The following TAS2R1 variants were observed in gnomAD, a reference collection of about 807,000 sequenced individuals.
The protein encoded by TAS2R1 is taste 2 receptor member 1.
For missense variants in TAS2R1, 370 were observed against 353.4 expected, an observed-to-expected ratio of 1.05 and a Z score of -0.38; for synonymous variants, 141 against 134.2, an observed-to-expected ratio of 1.05 and a Z score of -0.35.
chr5:9,887,986 C>T, the TAS2R1 span, among the ~76,000 whole-genome samples: 3 of 152,140 alleles, frequency 2.0e-5, no homozygotes, highest in East Asian at 3.9e-4. Context: ...CAGTCCTATA[C>T]AGACCTAGGA....
chr5:9,740,106 A>C, the TAS2R1 span, among the ~76,000 whole-genome samples: 2 of 152,222 alleles, frequency 1.3e-5, no homozygotes. Context: ...GACTGTAACC[A>C]AAACGACCTC....
chr5:9,737,215 C>T, the TAS2R1 span, among the ~76,000 whole-genome samples: 3 of 152,178 alleles, frequency 2.0e-5, no homozygotes, highest in Non-Finnish European at 2.9e-5. Flanking sequence ...CACAATCCAG[C>T]CTCCTACTAG....
At chr5:9,815,682 CAA>C in the TAS2R1 span, among the ~76,000 whole-genome samples, 1 of 139,694 alleles carries the variant, frequency 7.2e-6, no homozygotes, top group Non-Finnish European at 1.6e-5. Context: ...GATCCCTGAC[CAA>C]AAAAAAAAAG....
intron 1 of TAS2R1, among the ~76,000 whole-genome samples, chr5:9,710,055 G>A (rs1741699649): frequency 6.6e-6 from 1 of 152,236 alleles, no homozygotes; most frequent in Non-Finnish European, 1.5e-5. Flanking sequence ...TCAAAATTGG[G>A]AGATGTTAAA....
the TAS2R1 span, among the ~76,000 whole-genome samples, chr5:9,744,491 G>C: frequency 6.6e-6 from 1 of 151,920 alleles, no homozygotes; most frequent in African/African-American, 2.4e-5. Flanking sequence ...CAAGTGGTCC[G>C]TGTGGTCCTT....
chr5:9,633,692 A>ATAAT (rs1451245430), upstream of TAS2R1, among the ~76,000 whole-genome samples: 1 of 151,960 alleles, frequency 6.6e-6, no homozygotes, highest in African/African-American at 2.4e-5. Flanking sequence ...TGTTTCCCTG[A>ATAAT]TAATTAGTGA....
the TAS2R1 span, among the ~76,000 whole-genome samples, chr5:9,837,807 G>A: frequency 6.6e-6 from 1 of 152,210 alleles, no homozygotes; most frequent in African/African-American, 2.4e-5. Flanking sequence ...GCTGATTATT[G>A]CAGCATCTGG....
chr5:9,711,461 G>A (rs781239564), intron 1 of TAS2R1, among the ~76,000 whole-genome samples: 47 of 152,182 alleles, frequency 3.1e-4, no homozygotes, highest in Middle Eastern at 3.2e-3. Context: ...ATCTAAAGTA[G>A]TCAAACTCAC....
chr5:9,779,512 C>A, the TAS2R1 span, among the ~76,000 whole-genome samples: 1 of 152,210 alleles, frequency 6.6e-6, no homozygotes, highest in East Asian at 1.9e-4. Context: ...ATTAACTGGC[C>A]TATTTTCAAT....
chr5:9,738,045 G>A, the TAS2R1 span, among the ~76,000 whole-genome samples: 247 of 152,276 alleles, frequency 1.6e-3, 1 homozygote, highest in African/African-American at 5.1e-3. Context: ...GAAGAACTAC[G>A]TTCTCTGGCC....
the TAS2R1 span, among the ~76,000 whole-genome samples, chr5:9,823,350 C>T: frequency 6.6e-6 from 1 of 151,966 alleles, no homozygotes. Context: ...TTTAATCCTA[C>T]AGATATGCTG....
chr5:9,826,212 A>G, the TAS2R1 span, among the ~76,000 whole-genome samples: 1 of 152,176 alleles, frequency 6.6e-6, no homozygotes, highest in Non-Finnish European at 1.5e-5. Flanking sequence ...TTGTATAATG[A>G]TGCTAATATC....
At chr5:9,840,849 ATTTATTTATTTTTTTT>A in the TAS2R1 span, among the ~76,000 whole-genome samples, 9 of 12,914 alleles carry the variant, frequency 7.0e-4, no homozygotes, top group Admixed American at 3.2e-3. Flanking sequence ...TTATTTATTT[ATTTATTTATTTTTTTT>A]TTTTTTTTTT....
the TAS2R1 span, among the ~76,000 whole-genome samples, chr5:9,792,914 T>C: frequency 6.6e-6 from 1 of 152,170 alleles, no homozygotes; most frequent in Non-Finnish European, 1.5e-5. Context: ...TCCAAGCATA[T>C]TCTCTTGAAA....
the TAS2R1 span, among the ~76,000 whole-genome samples, chr5:9,807,697 T>A: frequency 6.6e-6 from 1 of 152,110 alleles, no homozygotes; most frequent in Non-Finnish European, 1.5e-5. Context: ...TTCTCACTCA[T>A]AAGTGGGAGC....
the TAS2R1 span, among the ~76,000 whole-genome samples, chr5:9,791,039 G>A: frequency 6.6e-6 from 1 of 152,164 alleles, no homozygotes; most frequent in Non-Finnish European, 1.5e-5. Context: ...CCAGGGGCTG[G>A]TTACCAGTGA....
chr5:9,725,524 G>A, the TAS2R1 span, among the ~76,000 whole-genome samples: 4 of 152,210 alleles, frequency 2.6e-5, no homozygotes, highest in Admixed American at 6.5e-5. Flanking sequence ...CGCTGCGCTC[G>A]ATTTCTCGCC....
chr5:9,866,615 T>G, the TAS2R1 span, among the ~76,000 whole-genome samples: 1 of 152,208 alleles, frequency 6.6e-6, no homozygotes, highest in Non-Finnish European at 1.5e-5. Context: ...CAGTTCACCC[T>G]TACTCATAGG....
chr5:9,817,715 A>G, the TAS2R1 span, among the ~76,000 whole-genome samples: 1 of 152,196 alleles, frequency 6.6e-6, no homozygotes, highest in Admixed American at 6.5e-5. Context: ...TTTTCACACT[A>G]CTGTAAAGAC....
Sources: gnomAD v4.1 joint callset for allele counts (sites outside exome capture counted in the v4.1 genomes callset) on GRCh38, gnomAD v4.1.1 for gene constraint, MANE v1.5 for transcripts, NCBI Gene and HGNC (gene_info 2026-07-23, HGNC 2026-07-21) for gene names.